The following MSR1 variants were observed in gnomAD, a reference collection of about 807,000 sequenced individuals.
MSR1 encodes macrophage scavenger receptor 1.
In MSR1, 53 loss-of-function variants were observed where a neutral mutation model predicts 47.2. That is an observed-to-expected ratio of 1.12 (90% confidence interval 0.90 to 1.41). MSR1 has a LOEUF of 1.41. Ranked by LOEUF, MSR1 falls within the 40% of genes most tolerant of loss-of-function variation. The pLI, the probability that MSR1 is intolerant of heterozygous loss-of-function variation, is 0.00. For missense variants in MSR1, 786 were observed against 546.9 expected (o/e 1.44, Z -4.36); for synonymous variants, 239 against 185.6 (o/e 1.29, Z -2.34).
intron 8 of MSR1, among the ~76,000 whole-genome samples, chr8:16,131,418 T>A (rs890405505): frequency 2.0e-5 from 3 of 151,038 alleles, no homozygotes; most frequent in African/African-American, 7.3e-5. Context: ...TCCCATTCTA[T>A]GTATCTGTTT....
At chr8:16,132,332 T>A (rs1399553278) in intron 8 of MSR1, among the ~76,000 whole-genome samples, 1 of 152,144 alleles carries the variant, frequency 6.6e-6, no homozygotes, top group South Asian at 2.1e-4. Flanking sequence ...TTTTGTACAC[T>A]GATTTTGTAT....
rs561163039 is a variant in MSR1 at position 16,187,792 on chromosome 8, C to A, written c.-5+4806G>T. Among the ~76,000 whole-genome samples, 18 of 152,192 alleles carry A rather than the reference C, an allele frequency of 1.2e-4. No individual in the cohort carries two copies. The South Asian group carries it at 3.7e-3, about 32-fold the overall frequency. ...TTACATATTGGAAAATAAAATATTT[C>A]TCTCTGCACTGCACGTAACTAGCAA... On this transcript the variant is annotated intron_variant, in intron 1 of 9. Coordinates refer to ENST00000262101, the MANE Select transcript of MSR1 (RefSeq NM_138715.3).
chr8:16,171,003 C>T (rs531326784), intron 3 of MSR1, among the ~76,000 whole-genome samples: 3 of 152,144 alleles, frequency 2.0e-5, no homozygotes, highest in African/African-American at 7.2e-5. Flanking sequence ...GTGTGTGGAT[C>T]ACCTGAGGTC....
At chr8:16,140,519 A>G (rs1015500912) in intron 8 of MSR1, 2 of 994,420 alleles carry the variant, frequency 2.0e-6, no homozygotes, top group African/African-American at 3.5e-5. Flanking sequence ...CAAACCACAT[A>G]TTGGTAATTG....
chr8:16,161,841 G>C (rs891437658), intron 5 of MSR1, among the ~76,000 whole-genome samples: 17 of 151,668 alleles, frequency 1.1e-4, no homozygotes, highest in African/African-American at 4.1e-4. Flanking sequence ...TCTCAAACTA[G>C]TGTATTTGAA....
chr8:16,124,943 T>C (rs1485636877), intron 8 of MSR1, among the ~76,000 whole-genome samples: 1 of 152,142 alleles, frequency 6.6e-6, no homozygotes, highest in East Asian at 1.9e-4. Context: ...TTCATAAGTC[T>C]TCAGAGGGAA....
intron 6 of MSR1, among the ~76,000 whole-genome samples, chr8:16,153,677 G>A (rs1309327628): frequency 6.6e-6 from 1 of 151,944 alleles, no homozygotes; most frequent in East Asian, 1.9e-4. Flanking sequence ...AACAGCTGCA[G>A]AAGATTCTCC....
intron 5 of MSR1, among the ~76,000 whole-genome samples, chr8:16,160,225 TAAG>T (rs1283049751): frequency 2.0e-5 from 3 of 151,884 alleles, no homozygotes; most frequent in Non-Finnish European, 4.4e-5. Context: ...CAAAGAGTCA[TAAG>T]AATAATTTAT....
chr8:16,170,364 A>G lies in MSR1; in HGVS notation c.218-1494T>C, dbSNP rs776850702. 5.0e-4 allele frequency among the ~76,000 whole-genome samples: 76 copies of G among 152,044 alleles called. 1 individual carries two copies. The highest frequency in any genetic ancestry group is 2.1e-4 in the South Asian group (1 of 4,828). ...TTCCATCTCAAAAAAAAAAAAACAA[A>G]ACATGAATAATTATAGAGAATGAGG... On this transcript the variant is annotated intron_variant, in intron 3 of 9. Coordinates refer to ENST00000262101, the MANE Select transcript of MSR1 (RefSeq NM_138715.3).
intron 1 of MSR1, among the ~76,000 whole-genome samples, chr8:16,187,364 C>CAAAAAAAA (rs751848634): frequency 5.9e-4 from 21 of 35,390 alleles, no homozygotes; most frequent in African/African-American, 1.1e-3. Context: ...ACTCTGTCTC[C>CAAAAAAAA]AAAAAAAAAA....
At chr8:16,143,653 T>C in intron 7 of MSR1, 42 bp from the exon 8 acceptor site, 1 of 1,495,158 alleles carries the variant, frequency 6.7e-7, no homozygotes, top group Non-Finnish European at 9.3e-7. Context: ...ATCAGGGCAA[T>C]TCACAATGTT....
Position 16,155,092 on chromosome 8 carries a change from A to T in MSR1, c.870T>A (p.Ser290Arg), listed in dbSNP as rs756512715. 1.2e-6 allele frequency: 2 copies of T among 1,612,270 alleles called. No homozygotes were observed. Among genetic ancestry groups the T allele is most frequent in the East Asian group, 2.2e-5 (1 of 44,822 alleles). Residue 290 changes from serine to arginine, a missense_variant, in exon 6 of 10, where the codon AGT (serine) becomes AGA (arginine). Coordinates refer to ENST00000262101, the MANE Select transcript of MSR1 (RefSeq NM_138715.3). ...EKGDRGPTGESGPRGFPGPIG... is the reference protein window; with the variant it reads ...EKGDRGPTGERGPRGFPGPIG... ...TTGGACCTGGAAATCCTCGTGGACC[A>T]CTTTCTCCAGTGGGACCTCGATCTC... is the stretch of plus-strand genomic sequence containing the variant.
At chr8:16,155,400 T>C (rs935418501) in intron 5 of MSR1, among the ~76,000 whole-genome samples, 7 of 152,052 alleles carry the variant, frequency 4.6e-5, no homozygotes, top group African/African-American at 1.7e-4. Flanking sequence ...CCTAACACTT[T>C]TCTATGTTCT....
intron 3 of MSR1, among the ~76,000 whole-genome samples, chr8:16,174,703 C>T (rs1438829246): frequency 1.3e-5 from 2 of 152,114 alleles, no homozygotes; most frequent in Non-Finnish European, 2.9e-5. Flanking sequence ...ACAAAGTCTC[C>T]TCTCTTTAAA....
In MSR1 at chr8:16,175,295, T is replaced by C. The variant is rs138109437; in HGVS notation, c.109A>G (p.Lys37Glu). 2.7e-5 allele frequency: 44 copies of C among 1,613,436 alleles called. No individual in the cohort carries two copies. In the African/African-American group the frequency reaches 5.2e-4, roughly 19 times the overall value. Residue 37 changes from lysine to glutamate, a missense_variant, in exon 3 of 10, where the codon AAA becomes GAA. By Grantham distance (56) the Lys-to-Glu change is moderately conservative. Transcript: ENST00000262101. Reference protein sequence around the residue: ...SMTALLPPNPKNSPSLQEKLK... With the variant: ...SMTALLPPNPENSPSLQEKLK... The stretch of plus-strand genomic sequence containing the variant: ...TTCTCTTGAAGGGAAGGGCTGTTTT[T>C]AGGATCTAATAAAACAAAAAAGCCC...
intron 4 of MSR1, among the ~76,000 whole-genome samples, chr8:16,165,567 T>A (rs1053868875): frequency 6.6e-6 from 1 of 152,178 alleles, no homozygotes; most frequent in African/African-American, 2.4e-5. Context: ...GTATGCTTTA[T>A]TATTGTATTA....
chr8:16,167,341 C>G (rs572150921), intron 4 of MSR1, among the ~76,000 whole-genome samples: 1 of 152,040 alleles, frequency 6.6e-6, no homozygotes, highest in African/African-American at 2.4e-5. Flanking sequence ...GCCAGGAGTT[C>G]GAGATCAGCC....
intron 8 of MSR1, chr8:16,139,429 A>G (rs2117101724): frequency 1.0e-6 from 1 of 954,330 alleles, no homozygotes; most frequent in East Asian, 1.2e-4. Context: ...ATTATACAAG[A>G]GTGGGAATAA....
intron 3 of MSR1, among the ~76,000 whole-genome samples, chr8:16,172,702 T>A (rs1331254770): frequency 6.6e-6 from 1 of 152,090 alleles, no homozygotes; most frequent in Non-Finnish European, 1.5e-5. Context: ...AATTCTTGAT[T>A]TTTATCTTAT....
Sources: allele counts gnomAD v4.1 joint callset (sites outside exome capture counted in the v4.1 genomes callset), GRCh38; gene constraint gnomAD v4.1.1; transcripts MANE v1.5; gene names NCBI Gene and HGNC (gene_info 2026-07-23, HGNC 2026-07-21).